FGF13: variants seen among roughly 807,000 people sequenced by gnomAD.
FGF13 encodes fibroblast growth factor 13.
A neutral mutation model predicts 19.5 loss-of-function variants in FGF13; 2 were observed. The ratio of observed to expected loss-of-function variants is 0.10; its 90% CI spans 0.04 to 0.32. FGF13 has a LOEUF of 0.32. Ranked by LOEUF, FGF13 falls within the 10% of genes least tolerant of loss-of-function variation. The pLI, the probability that FGF13 is intolerant of heterozygous loss-of-function variation, is 1.00. For missense variants in FGF13, 113 were observed against 192.7 expected (o/e 0.59, Z 2.45); for synonymous variants, 72 against 76.9 (o/e 0.94, Z 0.33).
intron 3 of FGF13, among the ~76,000 whole-genome samples, chrX:138,771,573 C>A (rs574909811): frequency 1.8e-5 from 2 of 111,094 alleles, no homozygotes; most frequent in South Asian, 7.6e-4. Flanking sequence ...ACCCCTGCAA[C>A]AGCTAAACAG....
chrX:139,044,765 C>T (rs753978569), intron 1 of FGF13, among the ~76,000 whole-genome samples: 11 of 112,073 alleles, frequency 9.8e-5, no homozygotes, highest in Non-Finnish European at 1.9e-4. Flanking sequence ...TCATCTAGGG[C>T]ATGCTGGTGT....
intron 1 of FGF13, among the ~76,000 whole-genome samples, chrX:138,870,811 G>A (rs759624159): frequency 8.9e-6 from 1 of 112,581 alleles, no homozygotes; most frequent in East Asian, 2.8e-4. Context: ...GTGCCAAAGA[G>A]TACACATAGT....
chrX:138,796,230 C>T (rs943299334), intron 3 of FGF13, among the ~76,000 whole-genome samples: 4 of 110,327 alleles, frequency 3.6e-5, no homozygotes, highest in African/African-American at 9.9e-5. Context: ...TTGTCCCCCA[C>T]CCGCCGATAG....
chrX:138,668,176 T>C (rs1250178708), intron 3 of FGF13, among the ~76,000 whole-genome samples: 1 of 111,552 alleles, frequency 9.0e-6, no homozygotes, highest in African/African-American at 3.3e-5. Context: ...GTATTATCAT[T>C]CCATTTAATC....
intron 1 of FGF13, among the ~76,000 whole-genome samples, chrX:138,733,162 ATTATT>A (rs1223962276): frequency 6.3e-5 from 7 of 111,892 alleles, no homozygotes; most frequent in African/African-American, 1.9e-4. Flanking sequence ...ATAAAATCAG[ATTATT>A]TTATTTTATT....
At chrX:139,083,567 C>T (rs2083384421) in intron 1 of FGF13, among the ~76,000 whole-genome samples, 1 of 112,203 alleles carries the variant, frequency 8.9e-6, no homozygotes, top group South Asian at 3.7e-4. Flanking sequence ...CCCTCAAACA[C>T]CTATAGAAAG....
In FGF13 at chrX:138,621,768, C is replaced by A. The variant is rs2089017417; in HGVS notation, c.*11082G>T. 1 of 110,973 alleles carries A rather than the reference C, an allele frequency of 9.0e-6. No individual in the cohort carries two copies. The highest frequency in any genetic ancestry group is 3.3e-5 in the African/African-American group (1 of 30,623). The allele number at this position is 110,973 out of a possible 1,213,427, so 9.1% of individuals were successfully genotyped here. ...ATCAGAAATGAAAGAGAAGACATTACAACTGATACCATAGAAATATAAATG... is the reference window on the plus strand; with the variant it reads ...ATCAGAAATGAAAGAGAAGACATTAAAACTGATACCATAGAAATATAAATG... On this transcript the variant is annotated 3_prime_UTR_variant, in exon 5 of 5. Coordinates refer to ENST00000315930, the MANE Select transcript of FGF13 (RefSeq NM_004114.5).
At chrX:139,148,815 A>G (rs970998477) in intron 1 of FGF13, among the ~76,000 whole-genome samples, 6 of 110,968 alleles carry the variant, frequency 5.4e-5, no homozygotes, top group African/African-American at 2.0e-4. Flanking sequence ...TAAGTGCATA[A>G]CAAACCCTAC....
intron 1 of FGF13, among the ~76,000 whole-genome samples, chrX:139,148,262 T>C (rs895183757): frequency 1.8e-5 from 2 of 111,533 alleles, no homozygotes; most frequent in African/African-American, 6.5e-5. Context: ...GCCTTCATTT[T>C]TTCCTGTTTC....
At chrX:138,863,900 G>A (rs138033858) in intron 2 of FGF13, among the ~76,000 whole-genome samples, 109 of 111,822 alleles carry the variant, frequency 9.7e-4, no homozygotes, top group African/African-American at 3.3e-3. Flanking sequence ...CAAAAATAAG[G>A]GGTTTAGACT....
At chrX:138,651,615 G>T (rs1294173854) in intron 3 of FGF13, among the ~76,000 whole-genome samples, 2 of 111,802 alleles carry the variant, frequency 1.8e-5, no homozygotes, top group African/African-American at 3.3e-5. Flanking sequence ...TTATGAAGAT[G>T]CTCCTGACTC....
At chrX:138,877,215 G>A (rs763117663) in intron 1 of FGF13, among the ~76,000 whole-genome samples, 32 of 108,377 alleles carry the variant, frequency 3.0e-4, no homozygotes, top group Admixed American at 2.9e-3. Context: ...TGCACGTTCT[G>A]CACATGTATT....
intron 1 of FGF13, among the ~76,000 whole-genome samples, chrX:139,052,492 C>T (rs185540001): frequency 1.4e-4 from 16 of 111,849 alleles, no homozygotes; most frequent in Middle Eastern, 4.6e-3. Context: ...CAAATAAGGA[C>T]TTAAAGTAGA....
chrX:138,616,356 T>C lies in FGF13; in HGVS notation c.*16494A>G, dbSNP rs1268780612. On this transcript the variant is annotated 3_prime_UTR_variant, in exon 5 of 5. Coordinates refer to ENST00000315930, the MANE Select transcript of FGF13 (RefSeq NM_004114.5). ...GCAAGTCCAAAATCCAATAGGGCAG[T>C]CGTTAAAGCTTAAAGTTCCAAAATG... The C allele has an allele frequency of 8.9e-6, 1 of 112,527 alleles. No individual in the cohort carries two copies. Among genetic ancestry groups the C allele is most frequent in the Non-Finnish European group, 1.9e-5 (1 of 53,246 alleles). The allele number at this position is 112,527 out of a possible 1,213,427, so 9.3% of individuals were successfully genotyped here. A position where few individuals can be genotyped will look rare whatever the true frequency, so the allele number is the denominator to read the frequency against.
chrX:138,691,767 T>C (rs1462184759), intron 3 of FGF13, among the ~76,000 whole-genome samples: 7 of 111,965 alleles, frequency 6.3e-5, no homozygotes, highest in Admixed American at 1.9e-4. Flanking sequence ...AAGAAATCAA[T>C]TGAGGTTTTC....
chrX:138,963,624 G>C (rs182198134), intron 1 of FGF13, among the ~76,000 whole-genome samples: 1 of 111,918 alleles, frequency 8.9e-6, no homozygotes, highest in African/African-American at 3.2e-5. Context: ...AATCTTTTTC[G>C]GTTTTAGACA....
At chrX:138,882,126 T>G (rs2091428898) in intron 1 of FGF13, among the ~76,000 whole-genome samples, 1 of 111,354 alleles carries the variant, frequency 9.0e-6, no homozygotes, top group African/African-American at 3.3e-5. Flanking sequence ...TCAATGTATT[T>G]TCTAATTTCT....
At chrX:139,133,205 T>C (rs1181686043) in intron 1 of FGF13, among the ~76,000 whole-genome samples, 1 of 110,110 alleles carries the variant, frequency 9.1e-6, no homozygotes, top group Non-Finnish European at 1.9e-5. Flanking sequence ...TTTCATGGAA[T>C]GCACTCTGGG....
chrX:138,689,176 T>C (rs2089814794), intron 3 of FGF13, among the ~76,000 whole-genome samples: 1 of 111,753 alleles, frequency 8.9e-6, no homozygotes, highest in African/African-American at 3.3e-5. Flanking sequence ...CTCCCAAGAA[T>C]GGTGCTCTGT....
Sources: gnomAD v4.1 joint callset for allele counts (sites outside exome capture counted in the v4.1 genomes callset) on GRCh38, gnomAD v4.1.1 for gene constraint, MANE v1.5 for transcripts, NCBI Gene and HGNC (gene_info 2026-07-23, HGNC 2026-07-21) for gene names.